Variants in F8 observed in about 807,000 individuals in gnomAD.
F8 encodes the protein coagulation factor VIII, also known as antihemophilic factor.
In F8, 12 loss-of-function variants were observed where a neutral mutation model predicts 140.6. That is an observed-to-expected ratio of 0.09 (90% CI 0.05 to 0.14). The LOEUF (loss-of-function observed/expected upper bound fraction) is 0.14, where lower values mean the gene tolerates loss of function less well. Among genes scored for constraint, F8 ranks in the 10% least tolerant of loss-of-function variants. F8 has a pLI of 1.00. For missense variants in F8, 1,354 were observed against 1,720.7 expected, an observed-to-expected ratio of 0.79 and a Z score of 3.77; for synonymous variants, 585 against 614.6, an observed-to-expected ratio of 0.95 and a Z score of 0.71.
chrX:154,977,019 T>C (rs2073490577), intron 6 of F8, among the ~76,000 whole-genome samples: 1 of 111,748 alleles, frequency 8.9e-6, no homozygotes, highest in South Asian at 3.7e-4. Context: ...CAGTATGTTT[T>C]AATCCCTTGC....
chrX:154,849,605 T>TA (rs145165210), intron 25 of F8, among the ~76,000 whole-genome samples: 12,955 of 110,299 alleles, frequency 0.12, 696 homozygotes, highest in South Asian at 0.35. Context: ...TTTGCTTTTT[T>TA]ATCAATCTGA....
chrX:154,991,430 C>CT (rs1327132102), intron 4 of F8, among the ~76,000 whole-genome samples: 4 of 111,913 alleles, frequency 3.6e-5, no homozygotes, highest in Non-Finnish European at 7.5e-5. Flanking sequence ...GTTCTATTTG[C>CT]TTTTTAGAAA....
intron 11 of F8, among the ~76,000 whole-genome samples, 171 bp from the exon 12 acceptor site, chrX:154,954,213 A>G (rs2073352248): frequency 8.9e-6 from 1 of 111,825 alleles, no homozygotes; most frequent in Non-Finnish European, 1.9e-5. Context: ...GGTGGGTGCT[A>G]TGAGCAGTGA....
chrX:154,859,308 T>C (rs1474153133), intron 25 of F8, among the ~76,000 whole-genome samples: 1 of 106,797 alleles, frequency 9.4e-6, no homozygotes, highest in East Asian at 2.9e-4. Context: ...TATTTTCTTT[T>C]TTTTTTTTTT....
At chrX:154,904,224 T>G in intron 17 of F8, 72 bp downstream of exon 17, 1 of 1,100,981 alleles carries the variant, frequency 9.1e-7, no homozygotes. Flanking sequence ...TTCAAGTCCC[T>G]GGATCAAGTC....
chrX:154,993,894 ATATAAT>A (rs1189770233), intron 3 of F8, among the ~76,000 whole-genome samples: 1 of 112,328 alleles, frequency 8.9e-6, no homozygotes, highest in Non-Finnish European at 1.9e-5. Flanking sequence ...ACATATAAAG[ATATAAT>A]TATAATACCA....
intron 13 of F8, among the ~76,000 whole-genome samples, chrX:154,945,191 C>T (rs1276867063): frequency 7.2e-5 from 8 of 110,776 alleles, no homozygotes; most frequent in Non-Finnish European, 1.1e-4. Context: ...AGAACTAATA[C>T]CAGCTCTTCA....
intron 14 of F8, among the ~76,000 whole-genome samples, chrX:154,920,581 T>A (rs968717507): frequency 3.6e-5 from 4 of 110,110 alleles, no homozygotes; most frequent in Non-Finnish European, 7.6e-5. Flanking sequence ...ACCTCCTGAG[T>A]AGCTGGGACT....
At chrX:154,847,541 C>A (rs2072577521) in intron 25 of F8, among the ~76,000 whole-genome samples, 1 of 112,312 alleles carries the variant, frequency 8.9e-6, no homozygotes, top group Non-Finnish European at 1.9e-5. Context: ...ATTTGATCTT[C>A]AATCACTGAT....
At chrX:154,994,624 TAA>T (rs1557284952) in intron 3 of F8, among the ~76,000 whole-genome samples, 4 of 112,102 alleles carry the variant, frequency 3.6e-5, no homozygotes, top group Non-Finnish European at 7.5e-5. Flanking sequence ...TCAAATTAAA[TAA>T]GTTTTTTGGC....
In F8 at chrX:154,862,228, A is replaced by G. The variant is rs1207808820; in HGVS notation, c.6575-362T>C. On this transcript the variant is annotated intron_variant, in intron 23 of 25. Transcript: ENST00000360256. ...TTTTTAGTAGAGTTGGGGTTTCACT[A>G]TGTTAGCCAGGATGGTCTTGATCTC... is the stretch of plus-strand genomic sequence containing the variant. 1.6e-4 allele frequency among the ~76,000 whole-genome samples: 18 copies of G among 109,901 alleles called. No homozygotes were observed. The Admixed American group carries it at 1.7e-3, about 11-fold the overall frequency.
At chrX:154,925,269 G>A (rs980322924) in intron 14 of F8, among the ~76,000 whole-genome samples, 13 of 112,124 alleles carry the variant, frequency 1.2e-4, no homozygotes, top group Non-Finnish European at 2.3e-4. Flanking sequence ...TGGATGCCCA[G>A]GCAGAAGTTT....
chrX:154,895,616 T>C (rs782772572), intron 22 of F8, among the ~76,000 whole-genome samples: 1 of 111,870 alleles, frequency 8.9e-6, no homozygotes, highest in African/African-American at 3.2e-5. Context: ...ACAATAACGC[T>C]GAGGTTTTAA....
At chrX:154,965,768 C>T (rs2073419858) in intron 9 of F8, 6 of 418,318 alleles carry the variant, frequency 1.4e-5, no homozygotes, top group Admixed American at 4.2e-5. Flanking sequence ...AAAGGAGTGT[C>T]GAGTTTAGTG....
chrX:154,963,120 T>G (rs2073405390), intron 9 of F8, among the ~76,000 whole-genome samples: 1 of 111,784 alleles, frequency 8.9e-6, no homozygotes, highest in Non-Finnish European at 1.9e-5. Context: ...CGTTGAGCAG[T>G]GGTTTGTAGG....
At chrX:155,009,081 ATTTTTTT>A (rs781938309) in intron 1 of F8, among the ~76,000 whole-genome samples, 1 of 98,067 alleles carries the variant, frequency 1.0e-5, no homozygotes, top group Non-Finnish European at 2.1e-5. Context: ...AGTAACATTA[ATTTTTTT>A]TTTTTTTTTT....
At chrX:154,963,472 T>C (rs1270442783) in intron 9 of F8, among the ~76,000 whole-genome samples, 2 of 111,955 alleles carry the variant, frequency 1.8e-5, no homozygotes, top group Non-Finnish European at 3.8e-5. Flanking sequence ...TTGGGTTGGT[T>C]CCAAGTCTTT....
rs913320264 is a variant in F8 at position 154,841,140 on chromosome X, T to A, written c.6901-3388A>T. 5.5e-5 allele frequency among the ~76,000 whole-genome samples: 6 copies of A among 109,726 alleles called. No homozygotes were observed. In the East Asian group the frequency reaches 1.7e-3, roughly 31 times the overall value. ...TAATAGATGTGACCAAAGAGGTTTG[T>A]GGGTCTTGTGATTTAGTAATTCACT... is the stretch of plus-strand genomic sequence containing the variant. On this transcript the variant is annotated intron_variant, in intron 25 of 25. Coordinates refer to ENST00000360256, the MANE Select transcript of F8 (RefSeq NM_000132.4).
At chrX:154,861,525 C>T (rs782551397) in intron 24 of F8, among the ~76,000 whole-genome samples, 193 bp downstream of exon 24, 1 of 112,012 alleles carries the variant, frequency 8.9e-6, no homozygotes, top group African/African-American at 3.2e-5. Context: ...GATTCTTCTT[C>T]CAGGAGGTTC....
Sources: allele counts gnomAD v4.1 joint callset (sites outside exome capture counted in the v4.1 genomes callset), GRCh38; gene constraint gnomAD v4.1.1; transcripts MANE v1.5; gene names NCBI Gene and HGNC (gene_info 2026-07-23, HGNC 2026-07-21).